The following FRK variants were observed in gnomAD, a reference collection of about 807,000 sequenced individuals.
The protein encoded by FRK is fyn related Src family tyrosine kinase.
Under a neutral mutation model 56.4 loss-of-function variants are expected in FRK, and 51 were observed. That is an observed-to-expected ratio of 0.90 (90% CI 0.72 to 1.14). FRK has a LOEUF of 1.14. FRK is among the 50% of genes most tolerant of loss of function. FRK has a pLI of 0.00. For missense variants in FRK, 570 were observed against 601.4 expected (o/e 0.95, Z 0.55); for synonymous variants, 245 against 217.9 (o/e 1.12, Z -1.10).
At chr6:116,039,849 G>A (rs1410138262) in intron 1 of FRK, among the ~76,000 whole-genome samples, 4 of 151,408 alleles carry the variant, frequency 2.6e-5, no homozygotes, top group Admixed American at 6.6e-5. Context: ...TCCTCCCCTC[G>A]GAAGCCATGA....
chr6:116,020,238 A>T (rs1355583251), intron 1 of FRK, among the ~76,000 whole-genome samples: 1 of 152,192 alleles, frequency 6.6e-6, no homozygotes, highest in Non-Finnish European at 1.5e-5. Flanking sequence ...ATATTTTATT[A>T]TTCTCTAAAT....
chr6:115,958,618 ACT>A (rs71012314), intron 4 of FRK, among the ~76,000 whole-genome samples: 8,952 of 110,384 alleles, frequency 0.081, 716 homozygotes, highest in South Asian at 0.14. Flanking sequence ...ATAGAGTGAG[ACT>A]CTGTCTCAAA....
intron 2 of FRK, among the ~76,000 whole-genome samples, chr6:115,974,801 T>C (rs895863261): frequency 5.3e-5 from 8 of 152,270 alleles, no homozygotes; most frequent in African/African-American, 1.9e-4. Flanking sequence ...TTCTAGAATC[T>C]GGCCCCTTCC....
chr6:115,960,451 G>A (rs1480200926), intron 4 of FRK, among the ~76,000 whole-genome samples: 228 of 150,420 alleles, frequency 1.5e-3, no homozygotes, highest in African/African-American at 4.7e-3. Context: ...ACTGCAAGGC[G>A]GCAGCGAGGC....
At chr6:116,010,773 T>C (rs1354249248) in intron 1 of FRK, among the ~76,000 whole-genome samples, 1 of 152,252 alleles carries the variant, frequency 6.6e-6, no homozygotes, top group East Asian at 1.9e-4. Context: ...AAGTGCTTTA[T>C]GTCTCGACAC....
At chr6:116,033,344 C>T (rs1776363719) in intron 1 of FRK, among the ~76,000 whole-genome samples, 1 of 152,014 alleles carries the variant, frequency 6.6e-6, no homozygotes, top group Admixed American at 6.6e-5. Flanking sequence ...AGACACTTTC[C>T]CTTTAATATA....
At chr6:116,039,217 G>A in intron 1 of FRK, 1 of 1,467,460 alleles carries the variant, frequency 6.8e-7, no homozygotes. Flanking sequence ...TAACGTGAAG[G>A]ACTGGAGCAA....
intron 1 of FRK, among the ~76,000 whole-genome samples, chr6:116,054,500 A>G (rs1467082208): frequency 7.0e-6 from 1 of 142,786 alleles, no homozygotes; most frequent in Non-Finnish European, 1.5e-5. Flanking sequence ...ATATTATACT[A>G]TTATAATATT....
intron 1 of FRK, among the ~76,000 whole-genome samples, chr6:116,027,407 G>A (rs1399480699): frequency 6.6e-6 from 1 of 152,072 alleles, no homozygotes; most frequent in Non-Finnish European, 1.5e-5. Context: ...TTAAAAAATC[G>A]AATCTGAGTG....
chr6:116,072,529 A>AC, the FRK span, among the ~76,000 whole-genome samples: 1 of 112,160 alleles, frequency 8.9e-6, no homozygotes, highest in African/African-American at 2.9e-5. Context: ...CAGGTTAAAT[A>AC]AACACACACA....
At chr6:116,065,704 A>T (rs1449008304), upstream of FRK, among the ~76,000 whole-genome samples, 2 of 151,970 alleles carry the variant, frequency 1.3e-5, no homozygotes, top group Non-Finnish European at 2.9e-5. Context: ...ACCTATACCC[A>T]TTTTTGTCAT....
intron 2 of FRK, among the ~76,000 whole-genome samples, chr6:116,001,992 A>G (rs567027565): frequency 6.6e-6 from 1 of 152,322 alleles, no homozygotes; most frequent in South Asian, 2.1e-4. Flanking sequence ...GTATGTATGT[A>G]TATGTATATG....
At position 115,933,033 on chromosome 6, in the gene FRK, C is replaced by T. The variant is rs1272295927; in HGVS notation, c.*9381G>A. ...TTTTTGATGACAAAATATTCAGGTTCCACAACTATTCAGAGTCTACCCTGT... is the reference window on the plus strand; with the variant it reads ...TTTTTGATGACAAAATATTCAGGTTTCACAACTATTCAGAGTCTACCCTGT... On this transcript the variant is annotated 3_prime_UTR_variant, in exon 8 of 8. Coordinates refer to ENST00000606080, the MANE Select transcript of FRK (RefSeq NM_002031.3). 6.6e-6 allele frequency: 1 copy of T among 152,130 alleles called. No homozygotes were observed. Among genetic ancestry groups the T allele is most frequent in the African/African-American group, 2.4e-5 (1 of 41,414 alleles). The allele number at this position is 152,130 out of a possible 1,614,324, so 9.4% of individuals were successfully genotyped here.
At chr6:116,090,656 T>C in the FRK span, among the ~76,000 whole-genome samples, 2 of 152,196 alleles carry the variant, frequency 1.3e-5, no homozygotes, top group Non-Finnish European at 2.9e-5. Flanking sequence ...GGAAAAGCCA[T>C]GCATATGGAT....
chr6:116,004,148 T>A, intron 1 of FRK, 150 bp from the exon 2 acceptor site: 1 of 681,166 alleles, frequency 1.5e-6, no homozygotes. Flanking sequence ...TTCTGACACT[T>A]GAGATGATTT....
chr6:116,020,975 G>A (rs182906377), intron 1 of FRK, among the ~76,000 whole-genome samples: 173 of 152,048 alleles, frequency 1.1e-3, no homozygotes, highest in African/African-American at 3.1e-3. Context: ...TTGGGAAATT[G>A]AAGTAAAAAA....
chr6:116,077,602 G>T, the FRK span, among the ~76,000 whole-genome samples: 9 of 152,046 alleles, frequency 5.9e-5, no homozygotes, highest in African/African-American at 1.7e-4. Context: ...TTTCTTTCTT[G>T]ATCACATATT....
chr6:115,972,155 C>T (rs994626018), intron 2 of FRK, among the ~76,000 whole-genome samples: 4 of 152,204 alleles, frequency 2.6e-5, no homozygotes, highest in Non-Finnish European at 4.4e-5. Context: ...TTATAGGTCT[C>T]CTCTTATCCT....
the FRK span, among the ~76,000 whole-genome samples, chr6:116,070,292 T>G: frequency 4.6e-5 from 7 of 152,058 alleles, no homozygotes; most frequent in African/African-American, 1.4e-4. Context: ...TTCTGGACAA[T>G]TCTTGGCTAG....
Sources: allele counts gnomAD v4.1 joint callset (sites outside exome capture counted in the v4.1 genomes callset), GRCh38; gene constraint gnomAD v4.1.1; transcripts MANE v1.5; gene names NCBI Gene and HGNC (gene_info 2026-07-23, HGNC 2026-07-21).